FBXO31: variants seen among roughly 807,000 people sequenced by gnomAD.
The protein encoded by FBXO31 is F-box only protein 31.
Under a neutral mutation model 54.4 loss-of-function variants are expected in FBXO31, and 24 were observed. That is an observed-to-expected ratio of 0.44 (90% CI 0.32 to 0.62). FBXO31 has a LOEUF of 0.62. Ranked by LOEUF, FBXO31 falls within the 20% of genes least tolerant of loss-of-function variation. The probability of loss-of-function intolerance (pLI) is 0.05; values close to 1 mark genes in which losing one functional copy is unlikely to be tolerated. For missense variants in FBXO31, 665 were observed against 787.1 expected, an observed-to-expected ratio of 0.84 and a Z score of 1.86; for synonymous variants, 388 against 335.6, an observed-to-expected ratio of 1.16 and a Z score of -1.71.
In FBXO31 at chr16:87,331,522, C is replaced by T. The variant is rs774982849; in HGVS notation, c.1398-12G>A. 2 of 1,587,330 alleles carry T rather than the reference C, an allele frequency of 1.3e-6. No individual in the cohort carries two copies. Among genetic ancestry groups the T allele is most frequent in the Non-Finnish European group, 1.7e-6 (2 of 1,162,166 alleles). ...CTGTGCCATAAAAACTGAGCAGAAA[C>T]AAGAGGGAAACTGTGAGCTGGGGGA... On this transcript the variant is annotated splice_polypyrimidine_tract_variant and intron_variant, in intron 8 of 8. Coordinates refer to ENST00000311635, the MANE Select transcript of FBXO31 (RefSeq NM_024735.5).
At chr16:87,377,662 C>T (rs568282673) in intron 1 of FBXO31, among the ~76,000 whole-genome samples, 8 of 151,620 alleles carry the variant, frequency 5.3e-5, no homozygotes, top group African/African-American at 1.9e-4. Context: ...CCCATCTCTA[C>T]AAAATAATAC....
chr16:87,368,727 G>C (rs1024866610), intron 1 of FBXO31, among the ~76,000 whole-genome samples: 2 of 151,392 alleles, frequency 1.3e-5, no homozygotes, highest in Non-Finnish European at 2.9e-5. Context: ...CAACATGATT[G>C]GAGGTTGGCA....
rs1033785877 is a variant in FBXO31 at position 87,327,855 on chromosome 16, A to G, written c.*3433T>C. 1.3e-5 allele frequency: 2 copies of G among 152,174 alleles called. No individual in the cohort carries two copies. The highest frequency in any genetic ancestry group is 2.4e-5 in the African/African-American group (1 of 41,424). The allele number at this position is 152,174 out of a possible 1,614,324, so 9.4% of individuals were successfully genotyped here. On this transcript the variant is annotated 3_prime_UTR_variant, in exon 9 of 9. Coordinates refer to ENST00000311635, the MANE Select transcript of FBXO31 (RefSeq NM_024735.5). ...GGACAGGTGATGGTTCTATGAGCACATTCCCGTAAGTGTTCTTAAAAGTTA... is the reference window on the plus strand; with the variant it reads ...GGACAGGTGATGGTTCTATGAGCACGTTCCCGTAAGTGTTCTTAAAAGTTA...
intron 1 of FBXO31, among the ~76,000 whole-genome samples, chr16:87,381,248 AC>A (rs1326950029): frequency 5.3e-5 from 8 of 152,244 alleles, no homozygotes; most frequent in Non-Finnish European, 1.2e-4. Context: ...ACAAAAATAG[AC>A]ACTCTAAGAG....
intron 1 of FBXO31, among the ~76,000 whole-genome samples, chr16:87,360,641 C>T (rs1906091884): frequency 1.3e-5 from 2 of 152,252 alleles, no homozygotes; most frequent in South Asian, 4.1e-4. Flanking sequence ...CCTAACCACA[C>T]AAACCAATAT....
rs1223333370 is a variant in FBXO31, at chr16:87,346,323, G to T, written c.489+851C>A. On this transcript the variant is annotated intron_variant, in intron 3 of 8. Coordinates refer to ENST00000311635, the MANE Select transcript of FBXO31 (RefSeq NM_024735.5). This position sits in a 1 kb window ranked among gnomAD's most constrained non-coding sequence, Gnocchi z 4.2. ...CAAGTGCCCAGGCGCACAGTGAGGG[G>T]TGGGGGGCATCCAACACGCCTGGAG... Among the ~76,000 whole-genome samples, 1 of 152,010 alleles carries T rather than the reference G, an allele frequency of 6.6e-6. No individual in the cohort carries two copies. The highest frequency in any genetic ancestry group is 2.4e-5 in the African/African-American group (1 of 41,298).
rs1464092122 is a variant in FBXO31, at chr16:87,338,295, C to G, written c.733-2031G>C. Among the ~76,000 whole-genome samples, 1 of 152,004 alleles carries G rather than the reference C, an allele frequency of 6.6e-6. No individual in the cohort carries two copies. The highest frequency in any genetic ancestry group is 1.5e-5 in the Non-Finnish European group (1 of 68,010). The stretch of plus-strand genomic sequence containing the variant: ...CGACAACGATCAACTTCACGTTGAC[C>G]CAGGGCCTGCTCACTCAACACATTG... On this transcript the variant is annotated intron_variant, in intron 5 of 8. Transcript: ENST00000311635. The surrounding 1 kb of genome is among the most constrained non-coding windows in gnomAD (Gnocchi z 4.3).
Position 87,334,127 on chromosome 16 carries a change from G to A in FBXO31, c.1156C>T (p.His386Tyr). ...RVRQEQQEGGHEAGEGRGRQG... is the reference protein window; with the variant it reads ...RVRQEQQEGGYEAGEGRGRQG... ...CGGCCACGACCCTCGCCCGCCTCGTGCCCGCCTTCCTGCTGCTCCTGGCGC... is the reference window on the plus strand; with the variant it reads ...CGGCCACGACCCTCGCCCGCCTCGTACCCGCCTTCCTGCTGCTCCTGGCGC... Residue 386 changes from histidine (H) to tyrosine (Y), a missense_variant, in exon 8 of 9, where the codon CAC becomes TAC. By Grantham distance (83) the His-to-Tyr change is moderately conservative (BLOSUM62 2). This residue lies in a region of FBXO31 where 165 missense variants were observed against 159.7 expected (regional missense o/e 1.03). Coordinates refer to ENST00000311635, the MANE Select transcript of FBXO31 (RefSeq NM_024735.5). 1 of 1,611,564 alleles carries A rather than the reference G, an allele frequency of 6.2e-7. No individual in the cohort carries two copies. The highest frequency in any genetic ancestry group is 1.7e-5 in the Admixed American group (1 of 59,928).
In FBXO31 at chr16:87,335,584, G is replaced by C; in HGVS notation, c.843-127C>G. ...GGCAGCTCAGCTCAACCAGGGCCAG[G>C]TGTCCACCAGGCCTGTGGGCAGCAA... On this transcript the variant is annotated intron_variant, in intron 6 of 8. Coordinates refer to ENST00000311635, the MANE Select transcript of FBXO31 (RefSeq NM_024735.5). This position sits in a 1 kb window ranked among gnomAD's most constrained non-coding sequence, Gnocchi z 5.7. 1 of 1,100,066 alleles carries C rather than the reference G, an allele frequency of 9.1e-7. No individual in the cohort carries two copies. Among genetic ancestry groups the C allele is most frequent in the Non-Finnish European group, 1.3e-6 (1 of 780,006 alleles). The allele number at this position is 1,100,066 out of a possible 1,614,324, so 68.1% of individuals were successfully genotyped here. A position where few individuals can be genotyped will look rare whatever the true frequency, so the allele number is the denominator to read the frequency against.
At chr16:87,356,092 G>A (rs569620231) in intron 2 of FBXO31, among the ~76,000 whole-genome samples, 67 of 152,168 alleles carry the variant, frequency 4.4e-4, no homozygotes, top group African/African-American at 1.4e-3. Flanking sequence ...AGCCGGGCGT[G>A]GTGGCAGGCG....
intron 1 of FBXO31, among the ~76,000 whole-genome samples, chr16:87,382,123 G>A (rs1308499592): frequency 6.6e-6 from 1 of 151,856 alleles, no homozygotes; most frequent in Non-Finnish European, 1.5e-5. Flanking sequence ...GCACAAAGCA[G>A]TCTTCAAAGC....
intron 4 of FBXO31, 69 bp from the exon 5 acceptor site, chr16:87,343,020 A>G: frequency 7.2e-7 from 1 of 1,384,586 alleles, no homozygotes; most frequent in Admixed American, 2.0e-5. Flanking sequence ...CCCCCACCCC[A>G]GGCAGGTGGC....
At chr16:87,385,113 A>T (rs911019374), upstream of FBXO31, among the ~76,000 whole-genome samples, 3 of 151,852 alleles carry the variant, frequency 2.0e-5, no homozygotes, top group Non-Finnish European at 4.4e-5. Flanking sequence ...TAAGCCCAGG[A>T]GTCGGAGACC....
intron 1 of FBXO31, among the ~76,000 whole-genome samples, chr16:87,380,825 C>T (rs1321153092): frequency 6.6e-6 from 1 of 152,244 alleles, no homozygotes; most frequent in African/African-American, 2.4e-5. Context: ...TCGCTTTCTA[C>T]ATCTCCATCA....
chr16:87,341,027 G>C (rs1905176749), intron 5 of FBXO31, among the ~76,000 whole-genome samples: 1 of 152,106 alleles, frequency 6.6e-6, no homozygotes. Flanking sequence ...TAAAACCACA[G>C]AGAGCTCCTG....
chr16:87,347,612 G>A (rs1905448452), intron 2 of FBXO31, among the ~76,000 whole-genome samples: 1 of 149,002 alleles, frequency 6.7e-6, no homozygotes, highest in Non-Finnish European at 1.5e-5. Flanking sequence ...CCTGGGAGGT[G>A]GAGCTTGCAG....
At chr16:87,352,082 T>G (rs1481734266) in intron 2 of FBXO31, among the ~76,000 whole-genome samples, 1 of 152,184 alleles carries the variant, frequency 6.6e-6, no homozygotes, top group African/African-American at 2.4e-5. Flanking sequence ...CAGGTGACTG[T>G]GATGTGTGGC....
At chr16:87,391,559 A>G (rs6540042), upstream of FBXO31, 151,634 of 152,444 alleles carry the variant, frequency 0.99, 75,426 homozygotes, top group Middle Eastern at 1. Flanking sequence ...CAGGCCTGGC[A>G]GTCGCCACAG....
chr16:87,341,783 A>G (rs529370869), intron 5 of FBXO31, among the ~76,000 whole-genome samples: 3 of 152,310 alleles, frequency 2.0e-5, no homozygotes, highest in African/African-American at 4.8e-5. Flanking sequence ...TCATCTTCAC[A>G]TGCCATCTAT....
Sources: gnomAD v4.1 joint callset for allele counts (sites outside exome capture counted in the v4.1 genomes callset) on GRCh38, gnomAD v4.1.1 for gene constraint, gnomAD v4.1.1 regional missense constraint, Gnocchi (gnomAD v3.1) non-coding constraint, MANE v1.5 for transcripts, NCBI Gene and HGNC (gene_info 2026-07-23, HGNC 2026-07-21) for gene names.